ABCA8: variants seen among roughly 807,000 people sequenced by gnomAD.
The protein encoded by ABCA8 is ATP binding cassette subfamily A member 8.
ABCA8 carries 177 observed loss-of-function variants against 192.3 expected under a neutral mutation model. The ratio of observed to expected loss-of-function variants is 0.92; its 90% CI spans 0.81 to 1.04. The LOEUF (loss-of-function observed/expected upper bound fraction) is 1.04, where lower values mean the gene tolerates loss of function less well. Among genes scored for constraint, ABCA8 ranks in the 50% least tolerant of loss-of-function variants. The pLI, the probability that ABCA8 is intolerant of heterozygous loss-of-function variation, is 0.00. For missense variants in ABCA8, 1,915 were observed against 1,904.8 expected (o/e 1.01, Z -0.10); for synonymous variants, 642 against 690.2 (o/e 0.93, Z 1.09).
At chr17:68,941,595 G>A (rs2068231636) in intron 3 of ABCA8, among the ~76,000 whole-genome samples, 1 of 152,118 alleles carries the variant, frequency 6.6e-6, no homozygotes, top group Non-Finnish European at 1.5e-5. Flanking sequence ...ATTGTGGTGG[G>A]TTGGTTTGTT....
chr17:68,909,271 G>T (rs776643127), intron 17 of ABCA8, among the ~76,000 whole-genome samples: 1 of 152,196 alleles, frequency 6.6e-6, no homozygotes, highest in Non-Finnish European at 1.5e-5. Flanking sequence ...TCTAGGCTTT[G>T]TAGGCTGTTA....
At chr17:68,939,504 C>T (rs2068165670) in intron 4 of ABCA8, among the ~76,000 whole-genome samples, 1 of 152,022 alleles carries the variant, frequency 6.6e-6, no homozygotes, top group Admixed American at 6.6e-5. Context: ...TGGATAAAAT[C>T]CTTGAAGTTA....
chr17:68,919,138 G>A (rs1476083446), intron 14 of ABCA8, among the ~76,000 whole-genome samples, 163 bp downstream of exon 14: 4 of 152,070 alleles, frequency 2.6e-5, no homozygotes, highest in Non-Finnish European at 5.9e-5. Flanking sequence ...TATGCTTGGC[G>A]CATTGTAAAT....
intron 6 of ABCA8, among the ~76,000 whole-genome samples, 154 bp downstream of exon 6, chr17:68,933,014 C>T (rs1178135932): frequency 6.6e-5 from 10 of 152,200 alleles, no homozygotes; most frequent in Non-Finnish European, 1.0e-4. Context: ...TTTGTATCTA[C>T]ATTCCGTGGT....
intron 21 of ABCA8, among the ~76,000 whole-genome samples, chr17:68,901,757 G>A (rs980798442): frequency 6.8e-6 from 1 of 146,122 alleles, no homozygotes; most frequent in African/African-American, 2.6e-5. Context: ...GCAGTGAGCC[G>A]AAATTGTGCC....
chr17:68,921,568 A>ATT, intron 12 of ABCA8, 76 bp from the exon 13 acceptor site: 1 of 830,168 alleles, frequency 1.2e-6, no homozygotes. Flanking sequence ...AAAATATTCC[A>ATT]TTATGGAGCC....
intron 2 of ABCA8, among the ~76,000 whole-genome samples, chr17:68,948,940 A>T (rs1337401926): frequency 6.6e-6 from 1 of 152,186 alleles, no homozygotes; most frequent in Non-Finnish European, 1.5e-5. Context: ...GAAGGGGTCC[A>T]GTTTCAGTTT....
At chr17:68,943,014 T>C (rs1360946085) in intron 2 of ABCA8, among the ~76,000 whole-genome samples, 2 of 152,188 alleles carry the variant, frequency 1.3e-5, no homozygotes, top group Non-Finnish European at 2.9e-5. Flanking sequence ...GTTTTAGGAA[T>C]TGATCTATCT....
chr17:68,919,549 G>T, intron 13 of ABCA8, 73 bp from the exon 14 acceptor site: 2 of 1,314,696 alleles, frequency 1.5e-6, no homozygotes, highest in Non-Finnish European at 2.1e-6. Context: ...TTAATTAAAT[G>T]TACGTATGAC....
At chr17:68,917,606 C>T (rs1316759369) in intron 16 of ABCA8, among the ~76,000 whole-genome samples, 155 bp from the exon 17 acceptor site, 2 of 152,148 alleles carry the variant, frequency 1.3e-5, no homozygotes, top group African/African-American at 2.4e-5. Flanking sequence ...GAAATAGACA[C>T]ATTTTAATCT....
At chr17:68,887,252 A>G in intron 25 of ABCA8, 84 bp downstream of exon 25, 9 of 1,367,878 alleles carry the variant, frequency 6.6e-6, no homozygotes. Context: ...CCATATAAAT[A>G]TTGATAGAAA....
Position 68,868,053 on chromosome 17 carries a change from C to A in ABCA8, c.*32G>T, listed in dbSNP as rs1203780489. The A allele has an allele frequency of 6.7e-7, 1 of 1,488,204 alleles. No homozygotes were observed. The highest frequency in any genetic ancestry group is 2.2e-5 in the Admixed American group (1 of 46,206). The allele number at this position is 1,488,204 out of a possible 1,614,324, so 92.2% of individuals were successfully genotyped here. A position where few individuals can be genotyped will look rare whatever the true frequency, so the allele number is the denominator to read the frequency against. ...AAATAAATGTATTTAAAAAAAACCACGGGTTTAAACAGGAACACAGAATTT... is the reference window on the plus strand; with the variant it reads ...AAATAAATGTATTTAAAAAAAACCAAGGGTTTAAACAGGAACACAGAATTT... On this transcript the variant is annotated 3_prime_UTR_variant, in exon 40 of 40. Transcript: ENST00000586539.
chr17:68,870,314 A>C (rs1172657686), intron 37 of ABCA8, among the ~76,000 whole-genome samples: 1 of 152,164 alleles, frequency 6.6e-6, no homozygotes, highest in Non-Finnish European at 1.5e-5. Context: ...CTGTGGACTT[A>C]GTTCTCTTTT....
At chr17:68,885,391 G>T in intron 26 of ABCA8, 76 bp from the exon 27 acceptor site, 3 of 1,391,572 alleles carry the variant, frequency 2.2e-6, no homozygotes, top group South Asian at 1.4e-5. Flanking sequence ...TCATCTTGAA[G>T]ATATTACTAA....
intron 23 of ABCA8, among the ~76,000 whole-genome samples, chr17:68,892,174 GA>G (rs2066635553): frequency 6.6e-6 from 1 of 152,166 alleles, no homozygotes; most frequent in Non-Finnish European, 1.5e-5. Context: ...AAACTCTCTT[GA>G]AAGCCAGTCC....
intron 10 of ABCA8, among the ~76,000 whole-genome samples, chr17:68,926,074 T>C (rs2067689155): frequency 6.6e-6 from 1 of 152,196 alleles, no homozygotes; most frequent in Non-Finnish European, 1.5e-5. Flanking sequence ...CATGAAAATG[T>C]AACAATATGT....
chr17:68,935,571 A>ATATATATATAT (rs1555617723), intron 5 of ABCA8, among the ~76,000 whole-genome samples: 1 of 45,452 alleles, frequency 2.2e-5, no homozygotes, highest in Non-Finnish European at 4.7e-5. Context: ...TATATATATT[A>ATATATATATAT]TCTTCTTTAT....
chr17:68,935,620 T>C (rs1292000579), intron 5 of ABCA8, among the ~76,000 whole-genome samples: 1 of 147,422 alleles, frequency 6.8e-6, no homozygotes, highest in Non-Finnish European at 1.5e-5. Context: ...TAATTCTCTA[T>C]CTTTGCTTTT....
intron 26 of ABCA8, 98 bp downstream of exon 26, chr17:68,886,919 C>T: frequency 1.5e-6 from 1 of 648,854 alleles, no homozygotes; most frequent in Non-Finnish European, 2.5e-6. Flanking sequence ...TTATTATAGA[C>T]CATAATATTA....
Sources: gnomAD v4.1 joint callset for allele counts (sites outside exome capture counted in the v4.1 genomes callset) on GRCh38, gnomAD v4.1.1 for gene constraint, MANE v1.5 for transcripts, NCBI Gene and HGNC (gene_info 2026-07-23, HGNC 2026-07-21) for gene names.